SLC9C2: variants seen among roughly 807,000 people sequenced by gnomAD.
The protein encoded by SLC9C2 is solute carrier family 9 member C2 (putative).
In SLC9C2, 75 loss-of-function variants were observed where a neutral mutation model predicts 140.2. The observed-to-expected ratio is 0.53, with a 90% CI of 0.44 to 0.65. The LOEUF (loss-of-function observed/expected upper bound fraction) is 0.65, where lower values mean the gene tolerates loss of function less well. Ranked by LOEUF, SLC9C2 falls within the 30% of genes least tolerant of loss-of-function variation. The pLI is 0.00. For synonymous variants in SLC9C2, 375 were observed against 420.9 expected (o/e 0.89, Z 1.34); for missense variants, 1,074 against 1,331.8 (o/e 0.81, Z 3.01).
At chr1:173,543,245 C>T (rs1427788826) in intron 13 of SLC9C2, among the ~76,000 whole-genome samples, 1 of 152,042 alleles carries the variant, frequency 6.6e-6, no homozygotes, top group Admixed American at 6.6e-5. Context: ...GAGTGAACTC[C>T]CATTCACTAT....
In SLC9C2 at chr1:173,583,534, G is replaced by T; in HGVS notation, c.612C>A (p.Gly204=). The T allele has an allele frequency of 6.2e-7, 1 of 1,608,704 alleles. No homozygotes were observed. Among genetic ancestry groups the T allele is most frequent in the Non-Finnish European group, 8.5e-7 (1 of 1,176,734 alleles). Residue 204 remains glycine, a synonymous_variant, in exon 6 of 28, where the codon GGC becomes GGA. Transcript: ENST00000367714. ...IASIFFGNFR[G]NRIHFSIFRD... ...TAAAAATAGAAAAGTGGATTCTGTT[G>T]CCCCGAAAATTTCCAAAAAAAATTG...
chr1:173,535,490 AG>A (rs1213612774), intron 15 of SLC9C2, among the ~76,000 whole-genome samples: 2 of 152,238 alleles, frequency 1.3e-5, no homozygotes, highest in Non-Finnish European at 2.9e-5. Flanking sequence ...AAACAGAGCT[AG>A]ATCTAGTCTA....
At chr1:173,516,846 G>A (rs545284486) in intron 23 of SLC9C2, among the ~76,000 whole-genome samples, 5 of 152,270 alleles carry the variant, frequency 3.3e-5, no homozygotes, top group African/African-American at 9.6e-5. Flanking sequence ...TGGGATTGCT[G>A]GGTCAATGGT....
At chr1:173,543,189 T>A (rs1662571901) in intron 13 of SLC9C2, among the ~76,000 whole-genome samples, 2 of 147,242 alleles carry the variant, frequency 1.4e-5, no homozygotes, top group Admixed American at 6.8e-5. Context: ...TGTGCAAAAA[T>A]CACAAGCATC....
At chr1:173,591,646 A>G (rs1666171468) in intron 4 of SLC9C2, among the ~76,000 whole-genome samples, 1 of 151,996 alleles carries the variant, frequency 6.6e-6, no homozygotes, top group Non-Finnish European at 1.5e-5. Context: ...GCTTTTTTTC[A>G]TATGCTCGTT....
At chr1:173,513,223 G>A (rs1660171443) in intron 23 of SLC9C2, among the ~76,000 whole-genome samples, 1 of 152,188 alleles carries the variant, frequency 6.6e-6, no homozygotes, top group African/African-American at 2.4e-5. Context: ...CTTTGGAGTA[G>A]TTTCAGAAGG....
intron 27 of SLC9C2, among the ~76,000 whole-genome samples, chr1:173,502,473 G>A (rs994423299): frequency 2.0e-5 from 3 of 151,986 alleles, no homozygotes; most frequent in Non-Finnish European, 4.4e-5. Flanking sequence ...GGCCCAAACA[G>A]GAGCCCTAAT....
chr1:173,538,432 A>G (rs567200732), intron 13 of SLC9C2, among the ~76,000 whole-genome samples: 2 of 151,548 alleles, frequency 1.3e-5, no homozygotes, highest in African/African-American at 2.5e-5. Context: ...CATCCTTTAA[A>G]CAAATGTTTA....
rs114064485 is a variant in SLC9C2 at position 173,549,283 on chromosome 1, C to T, written c.1298-731G>A. On this transcript the variant is annotated intron_variant, in intron 11 of 27. Transcript: ENST00000367714. ...TTATTTCACTCTCTATGGGACACTG[C>T]GTACAATGGAGTGATTTGAAGTTTG... is the stretch of plus-strand genomic sequence containing the variant. Among the ~76,000 whole-genome samples, 1,315 of 152,256 alleles carry T rather than the reference C, an allele frequency of 8.6e-3. 17 individuals carry two copies. Among genetic ancestry groups the T allele is most frequent in the African/African-American group, 0.029 (1,213 of 41,534 alleles).
At chr1:173,567,735 CTTCT>C (rs1301229175) in intron 9 of SLC9C2, among the ~76,000 whole-genome samples, 2 of 152,004 alleles carry the variant, frequency 1.3e-5, no homozygotes, top group Admixed American at 6.6e-5. Context: ...TCTTCTCTTT[CTTCT>C]TTCCTTCCTT....
In SLC9C2 at chr1:173,533,942, C is replaced by T. The variant is rs12049249; in HGVS notation, c.1975-145G>A. 1.6e-5 allele frequency: 15 copies of T among 911,644 alleles called. No homozygotes were observed. In the East Asian group the frequency reaches 4.6e-4, roughly 28 times the overall value. The allele number at this position is 911,644 out of a possible 1,614,324, so 56.5% of individuals were successfully genotyped here. On this transcript the variant is annotated intron_variant, in intron 16 of 27. Coordinates refer to ENST00000367714, the MANE Select transcript of SLC9C2 (RefSeq NM_178527.4). Reference sequence around the variant, plus strand: ...TTAAGTTATTCATTTGGAATCCCCCCAAAAATTCTTTAAAATCTTCACCAT... The same window carrying T: ...TTAAGTTATTCATTTGGAATCCCCCTAAAAATTCTTTAAAATCTTCACCAT...
At chr1:173,592,045 A>T (rs1321549813) in intron 4 of SLC9C2, among the ~76,000 whole-genome samples, 1 of 152,126 alleles carries the variant, frequency 6.6e-6, no homozygotes, top group South Asian at 2.1e-4. Flanking sequence ...ATTTTTGTAT[A>T]TGATGTAAGA....
At chr1:173,563,683 A>G (rs1664266440) in intron 9 of SLC9C2, among the ~76,000 whole-genome samples, 2 of 152,332 alleles carry the variant, frequency 1.3e-5, no homozygotes, top group Middle Eastern at 6.8e-3. Context: ...TATGCCCTCA[A>G]GCATTTATCC....
chr1:173,530,003 G>A lies in SLC9C2; in HGVS notation c.2215C>T (p.Leu739Phe), dbSNP rs1034414285. The A allele has an allele frequency of 6.2e-7, 1 of 1,613,118 alleles. No homozygotes were observed. The highest frequency in any genetic ancestry group is 1.3e-5 in the African/African-American group (1 of 74,828). ...TTTGTAATACTATACATCAAGCTGA[G>A]GCGCTTTTTGATCTGCACATCTGCA... Reference protein sequence around the residue: ...RIADVQIKKRLSLMYSITKGY... With the variant: ...RIADVQIKKRFSLMYSITKGY... Residue 739 changes from leucine (L) to phenylalanine (F), a missense_variant, in exon 18 of 28, where the codon CTC becomes TTC. By Grantham distance (22) the Leu-to-Phe change is conservative. Coordinates refer to ENST00000367714, the MANE Select transcript of SLC9C2 (RefSeq NM_178527.4).
At chr1:173,534,717 A>C (rs776865049) in intron 15 of SLC9C2, 35 bp from the exon 16 acceptor site, 1 of 1,377,476 alleles carries the variant, frequency 7.3e-7, no homozygotes, top group Non-Finnish European at 9.6e-7. Flanking sequence ...TAGATCACTT[A>C]AAAGTATAAT....
intron 2 of SLC9C2, among the ~76,000 whole-genome samples, chr1:173,601,440 C>T (rs1023534653): frequency 1.3e-5 from 2 of 152,136 alleles, no homozygotes; most frequent in Non-Finnish European, 2.9e-5. Flanking sequence ...ACATGTCTAC[C>T]ACACTACCAT....
Position 173,573,390 on chromosome 1 carries a change from T to C in SLC9C2, c.903-65A>G, listed in dbSNP as rs564623298. 7.0e-6 allele frequency: 8 copies of C among 1,136,018 alleles called. No individual in the cohort carries two copies. In the South Asian group the frequency reaches 8.8e-5, roughly 12 times the overall value. 70.4% of individuals were successfully genotyped at this position (1,136,018 alleles called of 1,614,324 possible). On this transcript the variant is annotated intron_variant, in intron 8 of 27. Coordinates refer to ENST00000367714, the MANE Select transcript of SLC9C2 (RefSeq NM_178527.4). ...TCTTAAAAATATATTTTCCTTTTCA[T>C]ATAAAATCATATATCTTATATCTAC... is the stretch of plus-strand genomic sequence containing the variant.
At chr1:173,548,625 A>G (rs566383030) in intron 11 of SLC9C2, 73 bp from the exon 12 acceptor site, 23 of 1,535,794 alleles carry the variant, frequency 1.5e-5, no homozygotes, top group Admixed American at 3.4e-5. Flanking sequence ...AAAATGTTGC[A>G]TGATCATGTA....
chr1:173,575,813 C>T (rs1489078655), intron 8 of SLC9C2, among the ~76,000 whole-genome samples: 1 of 152,134 alleles, frequency 6.6e-6, no homozygotes, highest in Non-Finnish European at 1.5e-5. Flanking sequence ...CTCCTGACCT[C>T]GTGATCCGCC....
Sources: allele counts gnomAD v4.1 joint callset (sites outside exome capture counted in the v4.1 genomes callset), GRCh38; gene constraint gnomAD v4.1.1; transcripts MANE v1.5; gene names NCBI Gene and HGNC (gene_info 2026-07-23, HGNC 2026-07-21).